The following THSD4 variants were observed in gnomAD, a reference collection of about 807,000 sequenced individuals.
The protein encoded by THSD4 is thrombospondin type 1 domain containing 4.
Under a neutral mutation model 119.0 loss-of-function variants are expected in THSD4, and 69 were observed. The ratio of observed to expected loss-of-function variants is 0.58; its 90% CI spans 0.48 to 0.71. The LOEUF (loss-of-function observed/expected upper bound fraction) is 0.71. Among genes scored for constraint, THSD4 ranks in the 30% least tolerant of loss-of-function variants. THSD4 has a pLI of 0.00. For synonymous variants in THSD4, 524 were observed against 540.4 expected (o/e 0.97, Z 0.42); for missense variants, 1,393 against 1,391.1 (o/e 1.00, Z -0.02).
At chr15:71,189,757 GT>G (rs2043651599) in intron 3 of THSD4, among the ~76,000 whole-genome samples, 1 of 152,026 alleles carries the variant, frequency 6.6e-6, no homozygotes, top group Non-Finnish European at 1.5e-5. Context: ...TCTGTGCATT[GT>G]TTTTTTAAGT....
chr15:71,604,009 A>C (rs62022824), intron 7 of THSD4, among the ~76,000 whole-genome samples: 25,823 of 152,158 alleles, frequency 0.17, 2,263 homozygotes, highest in African/African-American at 0.2. Flanking sequence ...GAGAGAAAAG[A>C]GGTATAGAAC....
At chr15:71,657,258 T>C (rs1045017057) in intron 7 of THSD4, among the ~76,000 whole-genome samples, 5 of 152,160 alleles carry the variant, frequency 3.3e-5, no homozygotes, top group African/African-American at 1.2e-4. Flanking sequence ...CACTCAACAA[T>C]ATCAGTGATG....
chr15:71,549,017 T>C (rs1351105517), intron 7 of THSD4, among the ~76,000 whole-genome samples: 1 of 152,200 alleles, frequency 6.6e-6, no homozygotes, highest in Non-Finnish European at 1.5e-5. Context: ...CACGCCGGAA[T>C]CTGTGTGCCC....
At chr15:71,568,925 T>G (rs2049296316) in intron 7 of THSD4, among the ~76,000 whole-genome samples, 1 of 152,222 alleles carries the variant, frequency 6.6e-6, no homozygotes, top group African/African-American at 2.4e-5. Context: ...CTATGCATGA[T>G]TTTTGTTAAC....
intron 7 of THSD4, among the ~76,000 whole-genome samples, chr15:71,611,293 A>C (rs1240109871): frequency 6.6e-6 from 1 of 152,192 alleles, no homozygotes; most frequent in Non-Finnish European, 1.5e-5. Context: ...TCTTTTCTGC[A>C]TCAGGCATTT....
chr15:71,341,599 AC>A, intron 6 of THSD4: 1 of 1,592,860 alleles, frequency 6.3e-7, no homozygotes, highest in Non-Finnish European at 8.6e-7. Flanking sequence ...GTATATGCAT[AC>A]CCTTGATGGC....
At position 71,215,404 on chromosome 15, in the gene THSD4, A is replaced by G. The variant is rs1338741819; in HGVS notation, c.464+5A>G. ...CGAAGTCACTGGGGACAGAAGGTAC[A>G]CGCCCGCCCTTGTCTGTGCCGCTCC... On this transcript the variant is annotated splice_donor_5th_base_variant and intron_variant, in intron 4 of 17. Coordinates refer to ENST00000261862, the MANE Select transcript of THSD4 (RefSeq NM_024817.3). 60 of 1,521,794 alleles carry G rather than the reference A, an allele frequency of 3.9e-5. No individual in the cohort carries two copies. Among genetic ancestry groups the G allele is most frequent in the Non-Finnish European group, 5.1e-5 (58 of 1,139,624 alleles). The allele number at this position is 1,521,794 out of a possible 1,614,324, so 94.3% of individuals were successfully genotyped here. A position where few individuals can be genotyped will look rare whatever the true frequency, so the allele number is the denominator to read the frequency against.
intron 8 of THSD4, among the ~76,000 whole-genome samples, chr15:71,680,124 T>A (rs1217742140): frequency 6.6e-6 from 1 of 152,190 alleles, no homozygotes; most frequent in African/African-American, 2.4e-5. Context: ...AGTTGGAAAT[T>A]TAGGTAATCA....
At chr15:71,529,268 G>A (rs1219665369) in intron 7 of THSD4, among the ~76,000 whole-genome samples, 1 of 152,180 alleles carries the variant, frequency 6.6e-6, no homozygotes, top group African/African-American at 2.4e-5. Context: ...CCATGGAGGA[G>A]TTGTCAAGGT....
chr15:71,554,965 C>T (rs1412577770), intron 7 of THSD4, among the ~76,000 whole-genome samples: 1 of 152,100 alleles, frequency 6.6e-6, no homozygotes, highest in Admixed American at 6.5e-5. Context: ...TACTATGCAC[C>T]ACTCCCCACT....
intron 7 of THSD4, among the ~76,000 whole-genome samples, chr15:71,561,981 AG>A (rs1447158029): frequency 6.6e-5 from 10 of 151,906 alleles, no homozygotes; most frequent in African/African-American, 2.4e-4. Flanking sequence ...ACCAAATTCC[AG>A]TGTCTTGAAT....
chr15:71,464,889 C>G (rs117310623), intron 7 of THSD4, among the ~76,000 whole-genome samples: 2,787 of 152,258 alleles, frequency 0.018, 50 homozygotes, highest in Non-Finnish European at 0.027. Flanking sequence ...ACTACCCCCT[C>G]CCCCTTAAGT....
At chr15:71,409,358 C>T (rs868199810) in intron 6 of THSD4, among the ~76,000 whole-genome samples, 6 of 152,076 alleles carry the variant, frequency 3.9e-5, no homozygotes, top group African/African-American at 7.2e-5. Context: ...ATAGTTCTAG[C>T]GCTTCAGAAA....
At chr15:71,099,293 T>C (rs955056828) in intron 1 of THSD4, among the ~76,000 whole-genome samples, 3 of 152,200 alleles carry the variant, frequency 2.0e-5, no homozygotes, top group African/African-American at 4.8e-5. Context: ...ATCAATTAGT[T>C]GGTGGTGTTG....
At chr15:71,415,883 G>A (rs1052656053) in intron 7 of THSD4, among the ~76,000 whole-genome samples, 2 of 152,068 alleles carry the variant, frequency 1.3e-5, no homozygotes, top group African/African-American at 2.4e-5. Flanking sequence ...TGCAGCCCCC[G>A]CCTCCCAGGT....
At chr15:71,753,755 A>G (rs762047975) in intron 14 of THSD4, among the ~76,000 whole-genome samples, 3 of 152,220 alleles carry the variant, frequency 2.0e-5, no homozygotes, top group Non-Finnish European at 4.4e-5. Context: ...TTCTGCTGAC[A>G]GGCTTCCTGG....
rs562516569 is a variant in THSD4, at chr15:71,720,651, T to C, written c.1358-7898T>C. Among the ~76,000 whole-genome samples, 30 of 152,272 alleles carry C rather than the reference T, an allele frequency of 2.0e-4. No individual in the cohort carries two copies. The South Asian group carries it at 6.2e-3, about 32-fold the overall frequency. On this transcript the variant is annotated intron_variant, in intron 8 of 17. Coordinates refer to ENST00000261862, the MANE Select transcript of THSD4 (RefSeq NM_024817.3). ...GAAGAGTTATATTTCATTTTCAGGGTATCCACATTAGCTAACACATTCTGA... is the reference window on the plus strand; with the variant it reads ...GAAGAGTTATATTTCATTTTCAGGGCATCCACATTAGCTAACACATTCTGA...
At chr15:71,402,230 A>T (rs1041568616) in intron 6 of THSD4, among the ~76,000 whole-genome samples, 16 of 103,132 alleles carry the variant, frequency 1.6e-4, no homozygotes, top group South Asian at 3.8e-4. Flanking sequence ...TATAATAATT[A>T]AAAAAAAAAA....
At chr15:71,268,290 G>T (rs1326388912) in intron 6 of THSD4, among the ~76,000 whole-genome samples, 1 of 152,128 alleles carries the variant, frequency 6.6e-6, no homozygotes, top group Non-Finnish European at 1.5e-5. Context: ...ATAGAACTCA[G>T]GATTAAGAAA....
Sources: allele counts gnomAD v4.1 joint callset (sites outside exome capture counted in the v4.1 genomes callset), GRCh38; gene constraint gnomAD v4.1.1; transcripts MANE v1.5; gene names NCBI Gene and HGNC (gene_info 2026-07-23, HGNC 2026-07-21).